The following EXOC1 variants were observed in gnomAD, a reference collection of about 807,000 sequenced individuals.
EXOC1 encodes the protein exocyst complex component 1.
In EXOC1, 67 loss-of-function variants were observed where a neutral mutation model predicts 107.7. That is an observed-to-expected ratio of 0.62 (90% confidence interval 0.51 to 0.76). EXOC1 has a LOEUF of 0.76. EXOC1 is among the 30% of genes least tolerant of loss of function. The probability of loss-of-function intolerance (pLI) is 0.00; values close to 1 mark genes in which losing one functional copy is unlikely to be tolerated. For synonymous variants in EXOC1, 348 were observed against 353.5 expected (o/e 0.98, Z 0.17); for missense variants, 833 against 1,055.7 (o/e 0.79, Z 2.92).
At chr4:55,854,554 G>A (rs1323057712) in intron 1 of EXOC1, among the ~76,000 whole-genome samples, 1 of 152,188 alleles carries the variant, frequency 6.6e-6, no homozygotes, top group Admixed American at 6.5e-5. Flanking sequence ...AGAAACACCC[G>A]GCTTCAGGTC....
chr4:55,892,526 A>T, intron 13 of EXOC1, 109 bp from the exon 14 acceptor site: 2 of 804,476 alleles, frequency 2.5e-6, no homozygotes, highest in South Asian at 1.6e-5. Context: ...AATATTTTTC[A>T]TAATGTATTC....
intron 14 of EXOC1, among the ~76,000 whole-genome samples, chr4:55,892,974 T>C (rs1263780919): frequency 6.6e-6 from 1 of 152,232 alleles, no homozygotes; most frequent in Non-Finnish European, 1.5e-5. Context: ...TGAATTGTAG[T>C]GTATTTCTTA....
At chr4:55,904,232 C>G in intron 18 of EXOC1, 111 bp from the exon 19 acceptor site, 1 of 1,057,394 alleles carries the variant, frequency 9.5e-7, no homozygotes, top group Non-Finnish European at 1.3e-6. Flanking sequence ...AATGCATGTT[C>G]CTAGCTACTA....
rs1320810508 is a variant in EXOC1, at chr4:55,875,460, C to A, written c.1075-2457C>A. ...AAATTTTGACCCCAATGTATCATTTCTTTAAAAAAGTCACTATAGCAAAGT... is the reference window on the plus strand; with the variant it reads ...AAATTTTGACCCCAATGTATCATTTATTTAAAAAAGTCACTATAGCAAAGT... On this transcript the variant is annotated intron_variant, in intron 8 of 18. Coordinates refer to ENST00000381295, the MANE Select transcript of EXOC1 (RefSeq NM_001024924.2). 3 of 982,808 alleles carry A rather than the reference C, an allele frequency of 3.1e-6. No individual in the cohort carries two copies. In the African/African-American group the frequency reaches 5.3e-5, roughly 17 times the overall value. 60.9% of individuals were successfully genotyped at this position (982,808 alleles called of 1,614,324 possible). A position where few individuals can be genotyped will look rare whatever the true frequency, so the allele number is the denominator to read the frequency against.
intron 15 of EXOC1, among the ~76,000 whole-genome samples, chr4:55,895,823 A>T (rs1024089523): frequency 1.3e-5 from 2 of 152,230 alleles, no homozygotes; most frequent in Non-Finnish European, 2.9e-5. Flanking sequence ...TGACTAATAA[A>T]TATATGGAAA....
chr4:55,855,050 ATGATATTCCTTACATGGAAAGTACCAAAG>A (rs1424691474), intron 1 of EXOC1, among the ~76,000 whole-genome samples: 9 of 152,250 alleles, frequency 5.9e-5, no homozygotes, highest in Non-Finnish European at 8.8e-5. Context: ...TAGGGCGGAG[ATGATATTCCTTACATGGAAAGTACCAAAG>A]TGAAGATTTG....
chr4:55,862,795 T>C (rs1199121759), intron 3 of EXOC1, among the ~76,000 whole-genome samples: 1 of 152,214 alleles, frequency 6.6e-6, no homozygotes, highest in Non-Finnish European at 1.5e-5. Context: ...TTTAAATGAA[T>C]CAAATATATT....
At chr4:55,886,729 T>C (rs1723927341) in intron 10 of EXOC1, among the ~76,000 whole-genome samples, 1 of 152,198 alleles carries the variant, frequency 6.6e-6, no homozygotes, top group East Asian at 1.9e-4. Context: ...TGCTTTTTGC[T>C]TGCTTGTTTG....
intron 8 of EXOC1, chr4:55,877,602 T>C: frequency 1.0e-6 from 1 of 985,396 alleles, no homozygotes; most frequent in Non-Finnish European, 1.2e-6. Flanking sequence ...AATTGTGAAA[T>C]ATGGTATGAG....
In EXOC1 at chr4:55,871,249, A is replaced by T. The variant is rs762618594; in HGVS notation, c.964+16A>T. 1.9e-6 allele frequency: 3 copies of T among 1,595,818 alleles called. No homozygotes were observed. The South Asian group carries it at 3.4e-5, about 18-fold the overall frequency. On this transcript the variant is annotated intron_variant, in intron 7 of 18. Transcript: ENST00000381295. ...CTTCGACCAGGTATGTTCATTAGAA[A>T]TGACAAAAATGTGACCAAGAATGTG... is the stretch of plus-strand genomic sequence containing the variant.
At chr4:55,882,134 GTTT>G in intron 9 of EXOC1, among the ~76,000 whole-genome samples, 1 of 151,588 alleles carries the variant, frequency 6.6e-6, no homozygotes, top group African/African-American at 2.4e-5. Context: ...GTTTTGTTTT[GTTT>G]TTGTTTTCGT....
rs956968903 is a variant in EXOC1, at chr4:55,871,110, G to T, written c.841G>T (p.Asp281Tyr). 6.2e-7 allele frequency: 1 copy of T among 1,613,610 alleles called. No homozygotes were observed. Among genetic ancestry groups the T allele is most frequent in the South Asian group, 1.1e-5 (1 of 91,036 alleles). ...SEIEFLVNHM[D>Y]LAKGHIKALQ... ...TTTGCATATATTCTAGAACCACATG[G>T]ACTTGGCCAAAGGTCATATAAAGGC... Residue 281 changes from aspartate to tyrosine, a missense_variant, in exon 7 of 19, where the codon GAC becomes TAC. Around this residue, in one of 2 missense-constraint regions of EXOC1, gnomAD observed 617 missense variants for 701.3 expected, o/e 0.88. Coordinates refer to ENST00000381295, the MANE Select transcript of EXOC1 (RefSeq NM_001024924.2).
intron 16 of EXOC1, among the ~76,000 whole-genome samples, chr4:55,897,452 TACAAG>T (rs1214569100): frequency 1.3e-5 from 2 of 152,178 alleles, no homozygotes; most frequent in African/African-American, 4.8e-5. Flanking sequence ...ATATCTACTA[TACAAG>T]GAAATTAGTA....
intron 10 of EXOC1, chr4:55,885,542 T>C (rs893921155): frequency 6.6e-6 from 1 of 152,164 alleles, no homozygotes; most frequent in African/African-American, 2.4e-5. Flanking sequence ...ATGTGTCTAT[T>C]AAATAGCAAG....
At chr4:55,887,933 T>C (rs12646999) in intron 10 of EXOC1, among the ~76,000 whole-genome samples, 6,117 of 147,624 alleles carry the variant, frequency 0.041, 178 homozygotes, top group Admixed American at 0.086. Flanking sequence ...TAGAAAGATA[T>C]ACCTGTCACT....
At chr4:55,871,410 T>C (rs1169127462) in intron 7 of EXOC1, among the ~76,000 whole-genome samples, 177 bp downstream of exon 7, 1 of 152,228 alleles carries the variant, frequency 6.6e-6, no homozygotes, top group East Asian at 1.9e-4. Context: ...ACTTTTTTAC[T>C]TCAGTTCCTC....
chr4:55,904,278 T>C, intron 18 of EXOC1, 65 bp from the exon 19 acceptor site: 1 of 1,431,204 alleles, frequency 7.0e-7, no homozygotes. Context: ...CTTGGCATTA[T>C]TTCTGCATAC....
At chr4:55,899,600 G>C in intron 16 of EXOC1, 85 bp from the exon 17 acceptor site, 1 of 1,233,056 alleles carries the variant, frequency 8.1e-7, no homozygotes, top group Non-Finnish European at 1.1e-6. Context: ...ACTTACAAAT[G>C]AAAAAAAATT....
chr4:55,859,999 C>G (rs533518869), intron 2 of EXOC1, among the ~76,000 whole-genome samples: 45 of 152,232 alleles, frequency 3.0e-4, no homozygotes, highest in Admixed American at 6.5e-4. Context: ...GTGGGCAGAT[C>G]GCTGGAGCCC....
Sources: allele counts gnomAD v4.1 joint callset (sites outside exome capture counted in the v4.1 genomes callset), GRCh38; gene constraint gnomAD v4.1.1; regional missense constraint gnomAD v4.1.1; transcripts MANE v1.5; gene names NCBI Gene and HGNC (gene_info 2026-07-23, HGNC 2026-07-21).